Variants in LUZP2 observed in about 807,000 individuals in gnomAD.
LUZP2 encodes leucine zipper protein 2.
In LUZP2, 52 loss-of-function variants were observed where a neutral mutation model predicts 51.6. The ratio of observed to expected loss-of-function variants is 1.01; its 90% CI spans 0.81 to 1.27. The LOEUF is 1.27. Ranked by LOEUF, LUZP2 falls within the 50% of genes most tolerant of loss-of-function variation. The pLI is 0.00. For missense variants in LUZP2, 436 were observed against 395.4 expected (o/e 1.10, Z -0.87); for synonymous variants, 154 against 137.3 (o/e 1.12, Z -0.85).
intron 7 of LUZP2, among the ~76,000 whole-genome samples, chr11:24,966,239 C>G (rs181236450): frequency 3.6e-4 from 54 of 151,418 alleles, no homozygotes; most frequent in Admixed American, 3.6e-3. Context: ...TATTTACTAC[C>G]TAAGTCTATT....
intron 4 of LUZP2, among the ~76,000 whole-genome samples, chr11:24,758,324 C>CGTGT (rs34105960): frequency 0.031 from 4,639 of 148,190 alleles, 90 homozygotes; most frequent in South Asian, 0.092. Flanking sequence ...GAATGACTTG[C>CGTGT]GTGTGTGTGT....
intron 1 of LUZP2, among the ~76,000 whole-genome samples, chr11:24,707,548 A>G (rs1857638964): frequency 6.6e-6 from 1 of 152,124 alleles, no homozygotes; most frequent in African/African-American, 2.4e-5. Context: ...AAGTCTCACA[A>G]TCTGCCATGT....
chr11:24,789,149 C>T (rs995458491), intron 5 of LUZP2, among the ~76,000 whole-genome samples: 5 of 152,150 alleles, frequency 3.3e-5, no homozygotes, highest in Admixed American at 6.5e-5. Context: ...GGAATTAGTA[C>T]GCTCTATGGA....
At position 25,063,826 on chromosome 11, in the gene LUZP2, C is replaced by G. The variant is rs111806349; in HGVS notation, c.859-13503C>G. ...AGGAGCTTTATTCCAGGTTCTTTGT[C>G]TTTATTTAACCCCACAAAAATTCCA... On this transcript the variant is annotated intron_variant, in intron 10 of 11. Transcript: ENST00000336930. 2.5e-3 allele frequency among the ~76,000 whole-genome samples: 382 copies of G among 151,816 alleles called. 3 individuals carry two copies. The highest frequency in any genetic ancestry group is 8.9e-3 in the African/African-American group (368 of 41,468).
intron 9 of LUZP2, among the ~76,000 whole-genome samples, chr11:25,019,063 T>C (rs1857251439): frequency 6.6e-6 from 1 of 152,206 alleles, no homozygotes; most frequent in South Asian, 2.1e-4. Context: ...GGCACATTTG[T>C]TGCACTCAAT....
At chr11:24,984,606 G>A (rs1412720831) in intron 9 of LUZP2, among the ~76,000 whole-genome samples, 1 of 141,460 alleles carries the variant, frequency 7.1e-6, no homozygotes, top group Non-Finnish European at 1.5e-5. Context: ...AATTGCAAGG[G>A]TTTACTAGAA....
rs148359334 is a variant in LUZP2 at position 24,976,593 on chromosome 11, G to A, written c.525G>A (p.Ala175=). ...AAGATTTATCTCTTATTTTACAGGC[G>A]CAGCAGCTTACTGATCTGGAACAAA... ...RYGKKDLLFK[A]QQLTDLEQKL... Residue 175 remains alanine, a splice_region_variant and synonymous_variant, in exon 8 of 12, where the codon GCG becomes GCA. Coordinates refer to ENST00000336930, the MANE Select transcript of LUZP2 (RefSeq NM_001009909.4). 5.7e-5 allele frequency: 90 copies of A among 1,579,128 alleles called. No homozygotes were observed. Among genetic ancestry groups the A allele is most frequent in the Non-Finnish European group, 6.9e-5 (81 of 1,166,032 alleles).
chr11:24,633,343 T>C (rs542691939), intron 1 of LUZP2, among the ~76,000 whole-genome samples: 1 of 152,182 alleles, frequency 6.6e-6, no homozygotes, highest in South Asian at 2.1e-4. Context: ...TAAAGTTGAC[T>C]TTAGCTGCCA....
chr11:24,731,611 T>C (rs985594698), intron 2 of LUZP2, among the ~76,000 whole-genome samples: 4 of 151,814 alleles, frequency 2.6e-5, no homozygotes, highest in Non-Finnish European at 4.4e-5. Flanking sequence ...CAATTTTACA[T>C]GGCCTTGTTT....
At chr11:24,978,231 A>G (rs1590797493) in intron 8 of LUZP2, among the ~76,000 whole-genome samples, 2 of 151,780 alleles carry the variant, frequency 1.3e-5, no homozygotes, top group Non-Finnish European at 2.9e-5. Context: ...AAACAAATTT[A>G]TACCAATTTA....
At chr11:24,955,056 C>T (rs1855177275) in intron 7 of LUZP2, among the ~76,000 whole-genome samples, 1 of 151,992 alleles carries the variant, frequency 6.6e-6, no homozygotes. Context: ...TTATACTGTA[C>T]ACGTGGGTCA....
intron 9 of LUZP2, among the ~76,000 whole-genome samples, chr11:25,026,771 T>A (rs1422997609): frequency 6.6e-6 from 1 of 152,094 alleles, no homozygotes; most frequent in Admixed American, 6.6e-5. Flanking sequence ...ATATAACAAC[T>A]GTCATTGCTA....
chr11:24,781,911 G>T (rs1395424096), intron 5 of LUZP2, among the ~76,000 whole-genome samples: 3 of 151,958 alleles, frequency 2.0e-5, no homozygotes, highest in Non-Finnish European at 4.4e-5. Context: ...TCTGATGAAG[G>T]ATGGGGCCTG....
At chr11:24,925,486 A>T (rs1854198956) in intron 7 of LUZP2, among the ~76,000 whole-genome samples, 3 of 152,170 alleles carry the variant, frequency 2.0e-5, no homozygotes, top group Non-Finnish European at 4.4e-5. Flanking sequence ...TGTCAAAATC[A>T]ACCCAACTTT....
intron 1 of LUZP2, among the ~76,000 whole-genome samples, chr11:24,580,296 T>G (rs1852802324): frequency 6.6e-6 from 1 of 152,172 alleles, no homozygotes; most frequent in South Asian, 2.1e-4. Context: ...GTTTAAATCC[T>G]TTCTAATTGT....
chr11:25,019,260 A>C (rs1389068652), intron 9 of LUZP2, among the ~76,000 whole-genome samples: 4 of 152,158 alleles, frequency 2.6e-5, no homozygotes. Flanking sequence ...CTATCACATG[A>C]ATCTATCATA....
intron 6 of LUZP2, among the ~76,000 whole-genome samples, chr11:24,908,640 T>C (rs1416043207): frequency 6.6e-6 from 1 of 152,164 alleles, no homozygotes; most frequent in Non-Finnish European, 1.5e-5. Context: ...TAGCTGGGTT[T>C]TGAATTAATA....
intron 5 of LUZP2, among the ~76,000 whole-genome samples, chr11:24,882,590 C>A (rs1852507489): frequency 1.3e-5 from 2 of 152,004 alleles, no homozygotes; most frequent in East Asian, 3.8e-4. Context: ...ACATAAAATT[C>A]CTTGCTATGT....
intron 1 of LUZP2, among the ~76,000 whole-genome samples, chr11:24,702,002 T>C (rs942827342): frequency 6.6e-6 from 1 of 152,224 alleles, no homozygotes; most frequent in Non-Finnish European, 1.5e-5. Context: ...TCCTTGACCA[T>C]GGCTCTCCCA....
Sources: gnomAD v4.1 joint callset for allele counts (sites outside exome capture counted in the v4.1 genomes callset) on GRCh38, gnomAD v4.1.1 for gene constraint, MANE v1.5 for transcripts, NCBI Gene and HGNC (gene_info 2026-07-23, HGNC 2026-07-21) for gene names.